Variants in ARHGAP44 observed in about 807,000 individuals in gnomAD.
ARHGAP44 encodes the protein rho GTPase-activating protein 44.
ARHGAP44 carries 43 observed loss-of-function variants against 106.8 expected under a neutral mutation model. The ratio of observed to expected loss-of-function variants is 0.40; its 90% CI spans 0.32 to 0.52. ARHGAP44 has a LOEUF of 0.52. Among genes scored for constraint, ARHGAP44 ranks in the 20% least tolerant of loss-of-function variants. The pLI is 0.48. For missense variants in ARHGAP44, 866 were observed against 1,050.5 expected (o/e 0.82, Z 2.43); for synonymous variants, 439 against 410.3 (o/e 1.07, Z -0.85).
chr17:12,843,276 T>C (rs2035469957), intron 1 of ARHGAP44, among the ~76,000 whole-genome samples: 1 of 152,148 alleles, frequency 6.6e-6, no homozygotes, highest in African/African-American at 2.4e-5. Flanking sequence ...CCTCCCCATC[T>C]CAGGAAACCA....
chr17:12,976,573 A>G (rs1465525127), intron 18 of ARHGAP44, among the ~76,000 whole-genome samples: 2 of 146,390 alleles, frequency 1.4e-5, no homozygotes, highest in East Asian at 4.2e-4. Context: ...AGATGGTGCC[A>G]CTGCACTCCA....
chr17:12,822,376 G>A lies in ARHGAP44; in HGVS notation c.53+32485G>A, dbSNP rs147630450. 1.3e-4 allele frequency among the ~76,000 whole-genome samples: 20 copies of A among 152,278 alleles called. No homozygotes were observed. The East Asian group carries it at 3.9e-3, about 29-fold the overall frequency. On this transcript the variant is annotated intron_variant, in intron 1 of 20. Transcript: ENST00000379672. ...CCAGATGATGGGCAGAATTTGGTGT[G>A]TAGGTTATAGTTTGCTGCCCCCTGC...
At chr17:12,950,417 G>A (rs761650483) in intron 12 of ARHGAP44, among the ~76,000 whole-genome samples, 33 of 152,300 alleles carry the variant, frequency 2.2e-4, no homozygotes, top group Non-Finnish European at 2.5e-4. Context: ...AAAGCCAGGC[G>A]CAGGGCTGTA....
chr17:12,974,251 C>T lies in ARHGAP44; in HGVS notation c.1704C>T (p.Pro568=), dbSNP rs2039610267. Residue 568 remains proline (P), a synonymous_variant, in exon 18 of 21, where the codon CCC becomes CCT. Coordinates refer to ENST00000379672, the MANE Select transcript of ARHGAP44 (RefSeq NM_014859.6). ...SPLPEQPLDS[P]AAPALSPSGL... ...TGCCGGAGCAGCCCCTGGACAGCCCCGCGGCCCCCGCGCTCTCTCCATCCG... is the reference window on the plus strand; with the variant it reads ...TGCCGGAGCAGCCCCTGGACAGCCCTGCGGCCCCCGCGCTCTCTCCATCCG... The T allele has an allele frequency of 3.3e-6, 5 of 1,519,124 alleles. No homozygotes were observed. The highest frequency in any genetic ancestry group is 1.3e-5 in the South Asian group (1 of 79,976). 94.1% of individuals were successfully genotyped at this position (1,519,124 alleles called of 1,614,324 possible). A position where few individuals can be genotyped will look rare whatever the true frequency, so the allele number is the denominator to read the frequency against.
At chr17:12,791,249 T>C (rs2033746473) in intron 1 of ARHGAP44, among the ~76,000 whole-genome samples, 2 of 152,226 alleles carry the variant, frequency 1.3e-5, no homozygotes, top group South Asian at 4.1e-4. Context: ...GGGGAATTTA[T>C]GAATAGCAGA....
intron 1 of ARHGAP44, among the ~76,000 whole-genome samples, chr17:12,880,109 A>G (rs997355637): frequency 6.6e-6 from 1 of 152,098 alleles, no homozygotes; most frequent in Non-Finnish European, 1.5e-5. Context: ...ACAGAATCTA[A>G]TGAACATTTT....
chr17:12,852,020 A>G (rs79712646), intron 1 of ARHGAP44, among the ~76,000 whole-genome samples: 1,574 of 150,776 alleles, frequency 0.01, 32 homozygotes, highest in East Asian at 0.07. Flanking sequence ...GAATGAATTG[A>G]GCTCCACCTC....
chr17:12,836,851 A>G (rs555416230), intron 1 of ARHGAP44, among the ~76,000 whole-genome samples: 1 of 152,328 alleles, frequency 6.6e-6, no homozygotes, highest in South Asian at 2.1e-4. Flanking sequence ...CTGCTCTCTT[A>G]GTTATTGATA....
At chr17:12,789,940 T>C in intron 1 of ARHGAP44, 49 bp downstream of exon 1, 1 of 1,467,530 alleles carries the variant, frequency 6.8e-7, no homozygotes, top group Non-Finnish European at 9.0e-7. Context: ...CGAGGCTGCA[T>C]CCGCAGGGGC....
At chr17:12,843,063 C>T (rs1174681347) in intron 1 of ARHGAP44, among the ~76,000 whole-genome samples, 7 of 151,632 alleles carry the variant, frequency 4.6e-5, no homozygotes, top group Non-Finnish European at 8.8e-5. Context: ...TGACCTTAGC[C>T]CCCACATTGT....
intron 1 of ARHGAP44, among the ~76,000 whole-genome samples, chr17:12,816,374 G>A (rs2034596829): frequency 6.6e-6 from 1 of 152,060 alleles, no homozygotes. Context: ...AAGCTTTTAG[G>A]ACAAAATCAG....
intron 1 of ARHGAP44, among the ~76,000 whole-genome samples, chr17:12,856,968 A>C (rs1244256757): frequency 6.6e-6 from 1 of 152,174 alleles, no homozygotes; most frequent in Non-Finnish European, 1.5e-5. Flanking sequence ...ATAATATGTC[A>C]TTAGAAGTAT....
At chr17:12,983,714 G>C (rs2039888203) in intron 19 of ARHGAP44, among the ~76,000 whole-genome samples, 1 of 152,140 alleles carries the variant, frequency 6.6e-6, no homozygotes, top group Admixed American at 6.5e-5. Flanking sequence ...TGAGGCAGGA[G>C]AATTGCTTGA....
At chr17:12,851,679 C>T (rs976533582) in intron 1 of ARHGAP44, among the ~76,000 whole-genome samples, 1 of 152,144 alleles carries the variant, frequency 6.6e-6, no homozygotes, top group Non-Finnish European at 1.5e-5. Flanking sequence ...AGGTGATCCA[C>T]CTGCCTCGGC....
intron 1 of ARHGAP44, among the ~76,000 whole-genome samples, chr17:12,795,785 G>A (rs1012502767): frequency 6.6e-6 from 1 of 152,066 alleles, no homozygotes; most frequent in African/African-American, 2.4e-5. Flanking sequence ...AGAGAGTCAG[G>A]CCTCTTCCCT....
At chr17:12,816,500 CATT>C (rs1567628776) in intron 1 of ARHGAP44, among the ~76,000 whole-genome samples, 1 of 152,044 alleles carries the variant, frequency 6.6e-6, no homozygotes, top group African/African-American at 2.4e-5. Context: ...TTTAAGCTGT[CATT>C]ATTTTCAGAT....
At chr17:12,814,048 A>G (rs928313192) in intron 1 of ARHGAP44, among the ~76,000 whole-genome samples, 5 of 152,108 alleles carry the variant, frequency 3.3e-5, no homozygotes, top group Non-Finnish European at 7.4e-5. Context: ...GTGCTGACCA[A>G]AAGCTTAATT....
chr17:12,905,156 C>T (rs1355438236), intron 3 of ARHGAP44, among the ~76,000 whole-genome samples: 1 of 151,522 alleles, frequency 6.6e-6, no homozygotes, highest in Non-Finnish European at 1.5e-5. Context: ...TCATGATCTG[C>T]CCGCCTCAGC....
intron 18 of ARHGAP44, 98 bp from the exon 19 acceptor site, chr17:12,979,960 G>A (rs1449360629): frequency 7.7e-6 from 10 of 1,296,900 alleles, no homozygotes; most frequent in Non-Finnish European, 3.1e-6. Context: ...AGACTTGCAC[G>A]GGGCCCAGAA....
Sources: allele counts gnomAD v4.1 joint callset (sites outside exome capture counted in the v4.1 genomes callset), GRCh38; gene constraint gnomAD v4.1.1; transcripts MANE v1.5; gene names NCBI Gene and HGNC (gene_info 2026-07-23, HGNC 2026-07-21).